TTLL10: variants seen among roughly 807,000 people sequenced by gnomAD.
TTLL10 encodes inactive polyglycylase TTLL10.
A neutral mutation model predicts 69.0 loss-of-function variants in TTLL10; 61 were observed. The observed-to-expected ratio is 0.88, with a 90% CI of 0.72 to 1.09. The LOEUF (loss-of-function observed/expected upper bound fraction) is 1.09, where lower values mean the gene tolerates loss of function less well. Among genes scored for constraint, TTLL10 ranks in the 50% least tolerant of loss-of-function variants. The probability of loss-of-function intolerance (pLI) is 0.00; values close to 1 mark genes in which losing one functional copy is unlikely to be tolerated. For synonymous variants in TTLL10, 408 were observed against 393.3 expected (o/e 1.04, Z -0.44); for missense variants, 962 against 945.9 (o/e 1.02, Z -0.22).
chr1:1,175,095 GAC>G (rs1646833321), intron 3 of TTLL10: 1 of 156,030 alleles, frequency 6.4e-6, no homozygotes, highest in South Asian at 1.9e-4. Context: ...CAGCCTGGGC[GAC>G]AGAGTGAGAC....
In TTLL10 at chr1:1,180,662, G is replaced by A. The variant is rs1469128414; in HGVS notation, c.625+61G>A. On this transcript the variant is annotated intron_variant, in intron 7 of 15. Coordinates refer to ENST00000379289, the MANE Select transcript of TTLL10 (RefSeq NM_001130045.2). ...AGGGGCCTCCTGGGCCGGAGCACAG[G>A]GCAGGTTGGAGGGGTGGGGACCGAG... 4 of 1,559,558 alleles carry A rather than the reference G, an allele frequency of 2.6e-6. No individual in the cohort carries two copies. The African/African-American group carries it at 5.5e-5, about 21-fold the overall frequency.
intron 9 of TTLL10, among the ~76,000 whole-genome samples, chr1:1,182,143 G>T (rs1022363962): frequency 6.6e-6 from 1 of 152,234 alleles, no homozygotes; most frequent in Non-Finnish European, 1.5e-5. Flanking sequence ...GGCCCGGGTG[G>T]GGGTCAGCGG....
chr1:1,182,924 G>T lies in TTLL10; in HGVS notation c.965G>T (p.Gly322Val), dbSNP rs777472636. 6.3e-7 allele frequency: 1 copy of T among 1,597,488 alleles called. No homozygotes were observed. The highest frequency in any genetic ancestry group is 1.7e-4 in the Middle Eastern group (1 of 6,042). Residue 322 changes from glycine (G) to valine (V), a missense_variant, in exon 11 of 16, where the codon GGC becomes GTC. Physicochemically the swap from Gly to Val is moderately radical, Grantham distance 109. Transcript: ENST00000379289. ...CCCACAGCCTCCAACCAGGGCAAAG[G>T]CATCTTCCTGCTCCGGAACCAGGAG... ...CKPTASNQGK[G>V]IFLLRNQEEV...
Position 1,181,339 on chromosome 1 carries a change from C to T in TTLL10, c.756-402C>T, listed in dbSNP as rs112698651. Among the ~76,000 whole-genome samples the T allele has an allele frequency of 1.7e-3, 266 of 152,070 alleles. No individual in the cohort carries two copies. The highest frequency in any genetic ancestry group is 6.1e-3 in the African/African-American group (252 of 41,478). ...CACCTGTGGGTGCCCTGAGTGAGGCCGTCCATCGCTCACCCAAGTCTGGGC... is the reference window on the plus strand; with the variant it reads ...CACCTGTGGGTGCCCTGAGTGAGGCTGTCCATCGCTCACCCAAGTCTGGGC... On this transcript the variant is annotated intron_variant, in intron 8 of 15. Transcript: ENST00000379289. The surrounding 1 kb of genome is among the most constrained non-coding windows in gnomAD (Gnocchi z 4.6).
rs768070150 is a variant in TTLL10 at position 1,184,076 on chromosome 1, C to T, written c.1245C>T (p.Gly415=). ...ACCCCCATTCCAGCGACCTCGGCGG[C>T]CACTTGACCAACCAGGTGAGTCTGC... The part of the protein sequence containing the change: ...LYDPHSSDLG[G]HLTNQFMQKK... Residue 415 remains glycine, a synonymous_variant, in exon 12 of 16, where the codon GGC becomes GGT. Transcript: ENST00000379289. 5 of 1,614,218 alleles carry T rather than the reference C, an allele frequency of 3.1e-6. No individual in the cohort carries two copies. Among genetic ancestry groups the T allele is most frequent in the Non-Finnish European group, 4.2e-6 (5 of 1,180,028 alleles).
intron 13 of TTLL10, among the ~76,000 whole-genome samples, chr1:1,186,677 A>G (rs1647348163): frequency 6.6e-6 from 1 of 152,104 alleles, no homozygotes; most frequent in South Asian, 2.1e-4. Flanking sequence ...AAGAATCACC[A>G]TCTGGTCGGT....
chr1:1,184,206 C>A, intron 12 of TTLL10, 115 bp downstream of exon 12: 1 of 1,442,084 alleles, frequency 6.9e-7, no homozygotes, highest in Non-Finnish European at 9.5e-7. Context: ...TGGCCCAGGC[C>A]GGGAGGTGTC....
intron 13 of TTLL10, among the ~76,000 whole-genome samples, chr1:1,190,190 C>T (rs1000283500): frequency 6.7e-6 from 1 of 149,274 alleles, no homozygotes; most frequent in Non-Finnish European, 1.5e-5. Flanking sequence ...CCCTTGTCAT[C>T]CTTTTAATCA....
At chr1:1,189,453 A>G (rs1647584996) in intron 13 of TTLL10, among the ~76,000 whole-genome samples, 1 of 152,222 alleles carries the variant, frequency 6.6e-6, no homozygotes, top group South Asian at 2.1e-4. Context: ...TGATGATGGT[A>G]TAGAACCATT....
rs571444030 is a variant in TTLL10 at position 1,178,618 on chromosome 1, G to A, written c.-27-571G>A. Among the ~76,000 whole-genome samples the A allele has an allele frequency of 3.9e-5, 6 of 152,192 alleles. No individual in the cohort carries two copies. The South Asian group carries it at 8.3e-4, about 21-fold the overall frequency. On this transcript the variant is annotated intron_variant, in intron 3 of 15. Coordinates refer to ENST00000379289, the MANE Select transcript of TTLL10 (RefSeq NM_001130045.2). ...CAGCCCCAAGATGGGTTTGTTTGCT[G>A]GAGACAGAGGTAGAAAGATCTGTCG...
At chr1:1,196,149 A>AT (rs912565791) in intron 13 of TTLL10, among the ~76,000 whole-genome samples, 18 of 151,832 alleles carry the variant, frequency 1.2e-4, no homozygotes, top group East Asian at 7.7e-4. Context: ...AATAATGACA[A>AT]TTTTTTTTTA....
intron 3 of TTLL10, chr1:1,176,322 G>A (rs911022827): frequency 2.2e-6 from 1 of 447,114 alleles, no homozygotes; most frequent in Non-Finnish European, 4.5e-6. Context: ...GGTGGAGAGA[G>A]GCTGACACTG....
chr1:1,183,307 G>C (rs1297678997), intron 11 of TTLL10, among the ~76,000 whole-genome samples: 1 of 152,168 alleles, frequency 6.6e-6, no homozygotes, highest in East Asian at 1.9e-4. Flanking sequence ...CCTGCAGGTG[G>C]CCTGGCCTGG....
At chr1:1,197,374 C>T in intron 15 of TTLL10, 64 bp from the exon 16 acceptor site, 1 of 710,068 alleles carries the variant, frequency 1.4e-6, no homozygotes, top group Non-Finnish European at 2.3e-6. Context: ...CCCTCACACC[C>T]TCCCCACCCC....
chr1:1,197,936 A>G lies in TTLL10; in HGVS notation c.*89A>G, dbSNP rs1207342443. The G allele has an allele frequency of 1.7e-6, 2 of 1,166,172 alleles. No homozygotes were observed. The highest frequency in any genetic ancestry group is 5.1e-5 in the African/African-American group (2 of 39,420). The allele number at this position is 1,166,172 out of a possible 1,614,324, so 72.2% of individuals were successfully genotyped here. A position where few individuals can be genotyped will look rare whatever the true frequency, so the allele number is the denominator to read the frequency against. ...ACCTATAAAGCCCACTTTGCTACAA[A>G]CACAGTCTCTGCAGCAGAGTCCTGC... On this transcript the variant is annotated 3_prime_UTR_variant, in exon 16 of 16. Transcript: ENST00000379289.
intron 4 of TTLL10, 110 bp from the exon 5 acceptor site, chr1:1,179,547 C>T (rs1002136068): frequency 8.7e-6 from 13 of 1,502,250 alleles, no homozygotes; most frequent in East Asian, 4.9e-5. Flanking sequence ...CCCAGGGTTC[C>T]GCCTGGCTGG....
rs555755497 is a variant in TTLL10 at position 1,180,972 on chromosome 1, C to T, written c.755+112C>T. 426 of 1,068,002 alleles carry T rather than the reference C, an allele frequency of 4.0e-4. 1 individual carries two copies. In the African/African-American group the frequency reaches 5.1e-3, roughly 13 times the overall value. 66.2% of individuals were successfully genotyped at this position (1,068,002 alleles called of 1,614,324 possible). On this transcript the variant is annotated intron_variant, in intron 8 of 15. Transcript: ENST00000379289. ...CCCCTGCGCCCGCCCCTGCCCTTGCCCCTGCCCCTGGCCACCCAGGCTCCC... is the reference window on the plus strand; with the variant it reads ...CCCCTGCGCCCGCCCCTGCCCTTGCTCCTGCCCCTGGCCACCCAGGCTCCC...
intron 3 of TTLL10, among the ~76,000 whole-genome samples, chr1:1,178,948 C>T (rs112026287): frequency 9.7e-4 from 147 of 152,324 alleles, no homozygotes; most frequent in African/African-American, 3.2e-3. Context: ...AGAGCCGCTC[C>T]GGCCAGGGAG....
At chr1:1,189,095 G>A (rs1370522221) in intron 13 of TTLL10, among the ~76,000 whole-genome samples, 1 of 152,166 alleles carries the variant, frequency 6.6e-6, no homozygotes, top group African/African-American at 2.4e-5. Flanking sequence ...ATCTGGAATA[G>A]AAACAGCTTT....
Sources: allele counts gnomAD v4.1 joint callset (sites outside exome capture counted in the v4.1 genomes callset), GRCh38; gene constraint gnomAD v4.1.1; non-coding constraint Gnocchi (gnomAD v3.1); transcripts MANE v1.5; gene names NCBI Gene and HGNC (gene_info 2026-07-23, HGNC 2026-07-21).